CA13: variants seen among roughly 807,000 people sequenced by gnomAD.
CA13 encodes the protein carbonic anhydrase 13.
Under a neutral mutation model 31.5 loss-of-function variants are expected in CA13, and 21 were observed. The observed-to-expected ratio is 0.67, with a 90% CI of 0.47 to 0.96. The LOEUF is 0.96. Among genes scored for constraint, CA13 ranks in the 40% least tolerant of loss-of-function variants. The probability of loss-of-function intolerance (pLI) is 0.00; values close to 1 mark genes in which losing one functional copy is unlikely to be tolerated. For synonymous variants in CA13, 117 were observed against 111.4 expected, an observed-to-expected ratio of 1.05 and a Z score of -0.32; for missense variants, 315 against 318.9, an observed-to-expected ratio of 0.99 and a Z score of 0.09.
rs141903317 is a variant in CA13 at position 85,281,261 on chromosome 8, C to T, written c.701C>T (p.Ala234Val). Residue 234 changes from alanine (A) to valine (V), a missense_variant, in exon 7 of 7, where the codon GCG becomes GTG. Ala to Val is a moderately conservative substitution (Grantham distance 64). Coordinates refer to ENST00000321764, the MANE Select transcript of CA13 (RefSeq NM_198584.3). ...LAKFRSLLCT[A>V]EGEAAAFLVS... ...AAATTTCGCAGTCTCCTGTGCACAG[C>T]GGAGGGTGAAGCAGCAGCTTTTCTG... is the stretch of plus-strand genomic sequence containing the variant. 98 of 1,613,864 alleles carry T rather than the reference C, an allele frequency of 6.1e-5. No individual in the cohort carries two copies. Among genetic ancestry groups the T allele is most frequent in the Admixed American group, 2.0e-4 (12 of 59,994 alleles).
intron 6 of CA13, among the ~76,000 whole-genome samples, chr8:85,275,924 C>T (rs1410709381): frequency 2.0e-5 from 3 of 152,272 alleles, no homozygotes; most frequent in African/African-American, 7.2e-5. Context: ...CCCTTGCTCG[C>T]TCTCAGCGCC....
chr8:85,266,777 C>A, intron 4 of CA13, 74 bp downstream of exon 4: 1 of 1,114,276 alleles, frequency 9.0e-7, no homozygotes, highest in Non-Finnish European at 1.3e-6. Context: ...AGTAGACATT[C>A]AACCATCTTG....
chr8:85,259,725 C>T (rs542444946), intron 3 of CA13, among the ~76,000 whole-genome samples, 186 bp downstream of exon 3: 14 of 152,286 alleles, frequency 9.2e-5, no homozygotes, highest in South Asian at 2.1e-4. Flanking sequence ...CCCTCCTAAG[C>T]GTTAAACCAA....
chr8:85,259,641 T>C, intron 3 of CA13, 102 bp downstream of exon 3: 1 of 859,964 alleles, frequency 1.2e-6, no homozygotes, highest in Non-Finnish European at 1.9e-6. Context: ...CTGAGCCAAT[T>C]AGGTATCTTA....
intron 6 of CA13, among the ~76,000 whole-genome samples, chr8:85,274,901 C>T (rs1190782827): frequency 6.6e-6 from 1 of 152,204 alleles, no homozygotes; most frequent in African/African-American, 2.4e-5. Context: ...GGTTATCATA[C>T]ACAGGGACTC....
At chr8:85,246,260 T>G (rs1172247230) in intron 1 of CA13, 7 of 464,282 alleles carry the variant, frequency 1.5e-5, no homozygotes, top group Admixed American at 4.8e-5. Flanking sequence ...TTCAGTCTTT[T>G]AAGCTCACTA....
chr8:85,261,936 C>T (rs1029370258), intron 3 of CA13, among the ~76,000 whole-genome samples: 1 of 151,942 alleles, frequency 6.6e-6, no homozygotes, highest in Non-Finnish European at 1.5e-5. Context: ...GCTTTGACCT[C>T]CTGGGTTCAA....
chr8:85,279,719 A>G (rs1042697166), intron 6 of CA13, among the ~76,000 whole-genome samples: 3 of 152,200 alleles, frequency 2.0e-5, no homozygotes, highest in Non-Finnish European at 4.4e-5. Flanking sequence ...CTGTGGACCC[A>G]TGCTGTAATT....
intron 3 of CA13, 146 bp from the exon 4 acceptor site, chr8:85,266,458 TAAAC>T (rs764856045): frequency 1.7e-4 from 105 of 614,282 alleles, no homozygotes; most frequent in Non-Finnish European, 2.4e-4. Flanking sequence ...TGGACAAAAA[TAAAC>T]AAGAGGATTC....
chr8:85,262,233 C>G (rs865821494), intron 3 of CA13, among the ~76,000 whole-genome samples: 26 of 152,268 alleles, frequency 1.7e-4, no homozygotes, highest in South Asian at 4.1e-4. Flanking sequence ...GAGAATCAAC[C>G]ATGCTCCTAA....
At chr8:85,249,822 AC>A (rs1813794094) in intron 1 of CA13, 2 of 451,952 alleles carry the variant, frequency 4.4e-6, no homozygotes, top group Admixed American at 4.8e-5. Context: ...CATGGAACTT[AC>A]GTGAAACTAC....
chr8:85,280,889 A>G (rs1654854753), intron 6 of CA13, among the ~76,000 whole-genome samples: 1 of 152,180 alleles, frequency 6.6e-6, no homozygotes, highest in South Asian at 2.1e-4. Flanking sequence ...TTTGTCATAA[A>G]ATGTATGTAT....
intron 6 of CA13, among the ~76,000 whole-genome samples, chr8:85,279,019 T>A (rs1375539667): frequency 1.3e-5 from 2 of 152,218 alleles, no homozygotes; most frequent in Non-Finnish European, 2.9e-5. Flanking sequence ...TTACTCAATT[T>A]TGGCAGGCAG....
In CA13 at chr8:85,281,440, T is replaced by C; in HGVS notation, c.*91T>C. 1 of 1,531,732 alleles carries C rather than the reference T, an allele frequency of 6.5e-7. No homozygotes were observed. The highest frequency in any genetic ancestry group is 8.8e-7 in the Non-Finnish European group (1 of 1,133,742). 94.9% of individuals were successfully genotyped at this position (1,531,732 alleles called of 1,614,324 possible). ...AAAGTCTCTGCCAACAACTCTTTTG[T>C]GGAATTCTAATTTATAGGAAACATT... On this transcript the variant is annotated 3_prime_UTR_variant, in exon 7 of 7. Transcript: ENST00000321764.
chr8:85,246,469 T>C (rs1408570590), intron 1 of CA13: 1 of 456,050 alleles, frequency 2.2e-6, no homozygotes, highest in Middle Eastern at 3.3e-4. Context: ...AGGGTTCAGG[T>C]TCTCGCTGGG....
intron 6 of CA13, among the ~76,000 whole-genome samples, chr8:85,269,974 C>T (rs1042322646): frequency 5.9e-5 from 9 of 152,256 alleles, no homozygotes; most frequent in Middle Eastern, 6.8e-3. Flanking sequence ...CCTCCTGCTT[C>T]GGCCTCCCAA....
chr8:85,263,890 T>C (rs1807420577), intron 3 of CA13, among the ~76,000 whole-genome samples: 1 of 152,194 alleles, frequency 6.6e-6, no homozygotes. Context: ...AGCTCCGTGA[T>C]TCCAAGGAGT....
intron 2 of CA13, among the ~76,000 whole-genome samples, chr8:85,252,227 G>A (rs1429910054): frequency 6.6e-6 from 1 of 151,908 alleles, no homozygotes; most frequent in African/African-American, 2.4e-5. Context: ...ACTGTACTCA[G>A]CCTGGGTGAC....
At chr8:85,267,497 C>G (rs555985032) in intron 4 of CA13, 5 of 179,874 alleles carry the variant, frequency 2.8e-5, no homozygotes, top group Non-Finnish European at 5.4e-5. Context: ...ATGTTTGCAT[C>G]TAGTATTTTG....
Sources: allele counts gnomAD v4.1 joint callset (sites outside exome capture counted in the v4.1 genomes callset), GRCh38; gene constraint gnomAD v4.1.1; transcripts MANE v1.5; gene names NCBI Gene and HGNC (gene_info 2026-07-23, HGNC 2026-07-21).